Variants in KIRREL3 observed in about 807,000 individuals in gnomAD.
KIRREL3 encodes kirre like nephrin family adhesion molecule 3.
Under a neutral mutation model 89.7 loss-of-function variants are expected in KIRREL3, and 36 were observed. That is an observed-to-expected ratio of 0.40 (90% CI 0.31 to 0.53). KIRREL3 has a LOEUF of 0.53. Among genes scored for constraint, KIRREL3 ranks in the 20% least tolerant of loss-of-function variants. The probability of loss-of-function intolerance (pLI) is 0.49; values close to 1 mark genes in which losing one functional copy is unlikely to be tolerated. For synonymous variants in KIRREL3, 445 were observed against 441.4 expected (o/e 1.01, Z -0.10); for missense variants, 864 against 1,056.6 (o/e 0.82, Z 2.53).
Position 126,788,344 on chromosome 11 carries a change from C to T in KIRREL3, c.55+212111G>A, listed in dbSNP as rs1008563160. On this transcript the variant is annotated intron_variant, in intron 1 of 16. Coordinates refer to ENST00000525144, the MANE Select transcript of KIRREL3 (RefSeq NM_032531.4). The surrounding 1 kb of genome is among the most constrained non-coding windows in gnomAD (Gnocchi z 4.1). ...GGTTTTTCCCACTGTGCTACTCAGA[C>T]AGGGTATGCAAGTTGCATTTGACAT... Among the ~76,000 whole-genome samples the T allele has an allele frequency of 6.6e-6, 1 of 152,192 alleles. No homozygotes were observed. The highest frequency in any genetic ancestry group is 1.5e-5 in the Non-Finnish European group (1 of 68,040).
intron 10 of KIRREL3, among the ~76,000 whole-genome samples, chr11:126,444,082 T>A (rs1955694063): frequency 6.6e-6 from 1 of 152,234 alleles, no homozygotes; most frequent in African/African-American, 2.4e-5. Context: ...TCCATGACTG[T>A]CTACACCCCA....
intron 1 of KIRREL3, among the ~76,000 whole-genome samples, chr11:126,602,141 G>A (rs73015288): frequency 6.6e-6 from 1 of 152,126 alleles, no homozygotes; most frequent in African/African-American, 2.4e-5. Flanking sequence ...GTGGCAAAGA[G>A]GTCAGCCCTG....
At position 126,599,852 on chromosome 11, in the gene KIRREL3, C is replaced by T. The variant is rs575617901; in HGVS notation, c.56-36940G>A. On this transcript the variant is annotated intron_variant, in intron 1 of 16. Coordinates refer to ENST00000525144, the MANE Select transcript of KIRREL3 (RefSeq NM_032531.4). ...GCTGGTTTCCATTTTCTTAGACTAGCATCAGGGGACTTAACTTGACAGCCA... is the reference window on the plus strand; with the variant it reads ...GCTGGTTTCCATTTTCTTAGACTAGTATCAGGGGACTTAACTTGACAGCCA... Among the ~76,000 whole-genome samples, 5 of 152,326 alleles carry T rather than the reference C, an allele frequency of 3.3e-5. No homozygotes were observed. The South Asian group carries it at 1.0e-3, about 32-fold the overall frequency.
intron 1 of KIRREL3, among the ~76,000 whole-genome samples, chr11:126,982,270 G>T (rs1189638747): frequency 2.0e-5 from 3 of 152,222 alleles, no homozygotes; most frequent in African/African-American, 7.2e-5. Flanking sequence ...AGCTGTCAGA[G>T]ACTTGTAAGG....
intron 1 of KIRREL3, among the ~76,000 whole-genome samples, chr11:126,767,295 G>T (rs554174499): frequency 6.6e-6 from 1 of 152,300 alleles, no homozygotes. Flanking sequence ...GGAGGGAGCT[G>T]GTAGCATGCT....
rs1269798816 is a variant in KIRREL3, at chr11:126,997,825, T to C, written c.55+2630A>G. Among the ~76,000 whole-genome samples, 1 of 152,190 alleles carries C rather than the reference T, an allele frequency of 6.6e-6. No homozygotes were observed. The highest frequency in any genetic ancestry group is 1.5e-5 in the Non-Finnish European group (1 of 68,028). On this transcript the variant is annotated intron_variant, in intron 1 of 16. Transcript: ENST00000525144. The surrounding 1 kb of genome is among the most constrained non-coding windows in gnomAD (Gnocchi z 4.3). ...TGCAGATTCCCACTGTGAGATGTGT[T>C]GGACAGCAGATGGCCATGTCATCGG...
At chr11:126,961,771 G>C (rs1173478002) in intron 1 of KIRREL3, among the ~76,000 whole-genome samples, 2 of 152,250 alleles carry the variant, frequency 1.3e-5, no homozygotes, top group Non-Finnish European at 2.9e-5. Flanking sequence ...CTCATAGCTA[G>C]AGAATAGAAG....
At chr11:126,804,581 T>G (rs899790949) in intron 1 of KIRREL3, among the ~76,000 whole-genome samples, 1 of 152,130 alleles carries the variant, frequency 6.6e-6, no homozygotes, top group African/African-American at 2.4e-5. Flanking sequence ...CTGAAACTGG[T>G]TTTTGGTTGG....
At chr11:126,933,323 G>A (rs1487978417) in intron 1 of KIRREL3, among the ~76,000 whole-genome samples, 2 of 151,830 alleles carry the variant, frequency 1.3e-5, no homozygotes, top group African/African-American at 4.8e-5. Context: ...GTGAGCCTAA[G>A]TTCATTGCAG....
intron 1 of KIRREL3, among the ~76,000 whole-genome samples, chr11:126,871,134 G>A (rs936603308): frequency 7.2e-5 from 11 of 152,278 alleles, no homozygotes; most frequent in Non-Finnish European, 1.2e-4. Context: ...CTCAAACAGC[G>A]GTGTACTGCC....
rs1944412255 is a variant in KIRREL3 at position 126,640,128 on chromosome 11, G to A, written c.56-77216C>T. 1.3e-5 allele frequency among the ~76,000 whole-genome samples: 2 copies of A among 152,006 alleles called. No homozygotes were observed. Among genetic ancestry groups the A allele is most frequent in the South Asian group, 4.2e-4 (2 of 4,812 alleles). Reference sequence around the variant, plus strand: ...GTACTGTTTTATTTTACCCTGCATTGTACTAAAAAAATAAGGCATAGAAGC... The same window carrying A: ...GTACTGTTTTATTTTACCCTGCATTATACTAAAAAAATAAGGCATAGAAGC... On this transcript the variant is annotated intron_variant, in intron 1 of 16. Coordinates refer to ENST00000525144, the MANE Select transcript of KIRREL3 (RefSeq NM_032531.4). This position sits in a 1 kb window ranked among gnomAD's most constrained non-coding sequence, Gnocchi z 4.9.
At chr11:126,770,678 C>G (rs1168228409) in intron 1 of KIRREL3, among the ~76,000 whole-genome samples, 1 of 152,114 alleles carries the variant, frequency 6.6e-6, no homozygotes, top group Non-Finnish European at 1.5e-5. Flanking sequence ...GTCTGTGACC[C>G]TCAGACCTCA....
At chr11:126,866,072 T>A (rs1279403028) in intron 1 of KIRREL3, among the ~76,000 whole-genome samples, 1 of 152,206 alleles carries the variant, frequency 6.6e-6, no homozygotes, top group Non-Finnish European at 1.5e-5. Context: ...TTTACCGGTG[T>A]CAGCCTGTCT....
At chr11:126,540,367 C>T (rs1181348806) in intron 2 of KIRREL3, among the ~76,000 whole-genome samples, 2 of 152,192 alleles carry the variant, frequency 1.3e-5, no homozygotes, top group African/African-American at 2.4e-5. Flanking sequence ...GGGCACATTC[C>T]CCTATGCTTG....
intron 1 of KIRREL3, among the ~76,000 whole-genome samples, chr11:126,661,582 C>T (rs1945404207): frequency 6.6e-6 from 1 of 152,186 alleles, no homozygotes; most frequent in Non-Finnish European, 1.5e-5. Flanking sequence ...CTGGGCCCAC[C>T]TCTAATCAAA....
rs1351696110 is a variant in KIRREL3, at chr11:126,521,870, A to T, written c.284-406T>A. Among the ~76,000 whole-genome samples the T allele has an allele frequency of 6.6e-6, 1 of 152,076 alleles. No individual in the cohort carries two copies. ...AACGATCCTCCCACCTCAGCCTCCC[A>T]AGTAGCTGGGACTACAGACATGCAC... is the stretch of plus-strand genomic sequence containing the variant. On this transcript the variant is annotated intron_variant, in intron 3 of 16. Coordinates refer to ENST00000525144, the MANE Select transcript of KIRREL3 (RefSeq NM_032531.4). The surrounding 1 kb of genome is among the most constrained non-coding windows in gnomAD (Gnocchi z 4.1).
In KIRREL3 at chr11:126,651,970, A is replaced by T. The variant is rs1014118309; in HGVS notation, c.56-89058T>A. Among the ~76,000 whole-genome samples the T allele has an allele frequency of 3.3e-5, 5 of 152,190 alleles. No individual in the cohort carries two copies. Among genetic ancestry groups the T allele is most frequent in the Admixed American group, 3.3e-4 (5 of 15,280 alleles). On this transcript the variant is annotated intron_variant, in intron 1 of 16. Transcript: ENST00000525144. The surrounding 1 kb of genome is among the most constrained non-coding windows in gnomAD (Gnocchi z 4.6). ...GAAAGTTTCTGAATTCAGATATTTA[A>T]ATGATGGTAGGGTAAGTCATTATGC... is the stretch of plus-strand genomic sequence containing the variant.
intron 12 of KIRREL3, 80 bp from the exon 13 acceptor site, chr11:126,435,383 G>T: frequency 1.4e-6 from 2 of 1,445,112 alleles, no homozygotes; most frequent in Non-Finnish European, 1.9e-6. Context: ...AGCTGCTTGA[G>T]CGGGGCTGGG....
rs552101619 is a variant in KIRREL3, at chr11:126,578,988, G to T, written c.56-16076C>A. ...TATGAAGACACTGAGGACCAGCAAG[G>T]CGAGACAACTGTTTGAGGCCACACA... On this transcript the variant is annotated intron_variant, in intron 1 of 16. Transcript: ENST00000525144. The surrounding 1 kb of genome is among the most constrained non-coding windows in gnomAD (Gnocchi z 4.9). 6.6e-6 allele frequency among the ~76,000 whole-genome samples: 1 copy of T among 152,230 alleles called. No homozygotes were observed. The highest frequency in any genetic ancestry group is 2.4e-5 in the African/African-American group (1 of 41,540).
Sources: allele counts gnomAD v4.1 joint callset (sites outside exome capture counted in the v4.1 genomes callset), GRCh38; gene constraint gnomAD v4.1.1; non-coding constraint Gnocchi (gnomAD v3.1); transcripts MANE v1.5; gene names NCBI Gene and HGNC (gene_info 2026-07-23, HGNC 2026-07-21).